The following RTKN variants were observed in gnomAD, a reference collection of about 807,000 sequenced individuals.
RTKN encodes rhotekin.
In RTKN, 49 loss-of-function variants were observed where a neutral mutation model predicts 63.5. That is an observed-to-expected ratio of 0.77 (90% confidence interval 0.61 to 0.98). The LOEUF (loss-of-function observed/expected upper bound fraction) is 0.98. Among genes scored for constraint, RTKN ranks in the 50% least tolerant of loss-of-function variants. RTKN has a pLI of 0.00. For synonymous variants in RTKN, 295 were observed against 290.4 expected, an observed-to-expected ratio of 1.02 and a Z score of -0.16; for missense variants, 685 against 740.8, an observed-to-expected ratio of 0.92 and a Z score of 0.87.
At chr2:74,439,627 G>A in intron 1 of RTKN, 1 of 1,613,922 alleles carries the variant, frequency 6.2e-7, no homozygotes, top group Non-Finnish European at 8.5e-7. Context: ...CTGCATCTCT[G>A]TGCCCCCCGG....
At chr2:74,440,509 C>T in intron 1 of RTKN, 4 of 986,914 alleles carry the variant, frequency 4.1e-6, no homozygotes, top group Non-Finnish European at 4.8e-6. Flanking sequence ...GCCTCCACGC[C>T]AGGCCCACGG....
In RTKN at chr2:74,426,273, T is replaced by C. The variant is rs76772255; in HGVS notation, c.1662A>G (p.Gln554=). ...CTGGTGACTGGAGCCAAGTGCGAGG[T>C]TGGCCTTTGCTGCAGAGGCCTCTGG... is the stretch of plus-strand genomic sequence containing the variant. The part of the protein sequence containing the change: ...PRTRGLCSKG[Q]PRTWLQSPV The change falls in exon 12 of 12, where the codon CAA becomes CAG. Residue 554 remains glutamine (Q), a synonymous_variant. Transcript: ENST00000272430. 6.0e-3 allele frequency: 9,623 copies of C among 1,613,988 alleles called. 508 individuals are homozygous for C. The African/African-American group carries it at 0.11, about 19-fold the overall frequency.
At position 74,427,601 on chromosome 2, in the gene RTKN, G is replaced by C; in HGVS notation, c.1087-9C>G. On this transcript the variant is annotated splice_polypyrimidine_tract_variant and intron_variant, in intron 9 of 11. Coordinates refer to ENST00000272430, the MANE Select transcript of RTKN (RefSeq NM_001015055.2). ...GCCCGGACTCGAGTCTCCTGCAGGA[G>C]AAAGAAGAGGTCTACCTTGGTCACA... 6.2e-7 allele frequency: 1 copy of C among 1,611,160 alleles called. No homozygotes were observed. Among genetic ancestry groups the C allele is most frequent in the Non-Finnish European group, 8.5e-7 (1 of 1,179,468 alleles).
intron 1 of RTKN, chr2:74,440,164 C>T (rs1475685302): frequency 4.8e-6 from 2 of 412,642 alleles, no homozygotes; most frequent in African/African-American, 2.2e-5. Flanking sequence ...GAGGTTGGAG[C>T]TTCCCGAGAG....
Position 74,429,501 on chromosome 2 carries a change from G to T in RTKN, c.755+327C>A, listed in dbSNP as rs560390551. On this transcript the variant is annotated intron_variant, in intron 6 of 11. Transcript: ENST00000272430. ...CCACTTTGGGAGGCCGAGGCGGGAG[G>T]ATCACTTGAGCCCAGGAGTTCGAGA... Among the ~76,000 whole-genome samples, 14 of 152,280 alleles carry T rather than the reference G, an allele frequency of 9.2e-5. No individual in the cohort carries two copies. In the South Asian group the frequency reaches 2.7e-3, roughly 29 times the overall value.
intron 11 of RTKN, 137 bp from the exon 12 acceptor site, chr2:74,426,711 A>C (rs1670417392): frequency 7.2e-7 from 1 of 1,394,420 alleles, no homozygotes; most frequent in Non-Finnish European, 9.3e-7. Context: ...GTTATCCTGC[A>C]GGAGCAGCCC....
At chr2:74,427,707 T>C in intron 9 of RTKN, 115 bp from the exon 10 acceptor site, 2 of 1,134,508 alleles carry the variant, frequency 1.8e-6, no homozygotes, top group Non-Finnish European at 2.5e-6. Context: ...CTGAGCCCTC[T>C]CATTTGCCTC....
chr2:74,430,406 G>A (rs533225549), intron 4 of RTKN, 37 bp from the exon 5 acceptor site: 4 of 1,612,820 alleles, frequency 2.5e-6, no homozygotes, highest in East Asian at 2.2e-5. Context: ...CACGTCCCAC[G>A]AGAGCCTCCT....
Position 74,428,757 on chromosome 2 carries a change from A to T in RTKN, c.851-20T>A. ...TCTCCTCTGGGGGAGGAGGAAGTGC[A>T]GGGTGAGGTAGGGGAATGAGAAGGG... is the stretch of plus-strand genomic sequence containing the variant. On this transcript the variant is annotated intron_variant, in intron 7 of 11. Transcript: ENST00000272430. The T allele has an allele frequency of 6.2e-7, 1 of 1,610,352 alleles. No homozygotes were observed. The highest frequency in any genetic ancestry group is 8.5e-7 in the Non-Finnish European group (1 of 1,177,184).
At chr2:74,430,756 C>T in intron 2 of RTKN, 79 bp from the exon 3 acceptor site, 1 of 1,388,618 alleles carries the variant, frequency 7.2e-7, no homozygotes, top group Non-Finnish European at 9.8e-7. Flanking sequence ...CTCTAGGATC[C>T]CCCTGATCCC....
At chr2:74,429,013 C>G (rs1670587988) in intron 6 of RTKN, 71 bp from the exon 7 acceptor site, 2 of 1,221,928 alleles carry the variant, frequency 1.6e-6, no homozygotes, top group East Asian at 2.3e-5. Flanking sequence ...AAGGGCTGAG[C>G]AGATCTGCCC....
Position 74,428,219 on chromosome 2 carries a change from G to A in RTKN, c.1086+49C>T, listed in dbSNP as rs1670524969. 4.3e-6 allele frequency: 7 copies of A among 1,613,350 alleles called. No homozygotes were observed. The East Asian group carries it at 1.6e-4, about 36-fold the overall frequency. On this transcript the variant is annotated intron_variant, in intron 9 of 11. Transcript: ENST00000272430. ...CACCCTCCTGGGGCCTGAAGGAGAG[G>A]CTCCTGGGCCTGTGCCCTTGGTGGC...
rs1032425127 is a variant in RTKN, at chr2:74,432,101, T to C, written c.311+366A>G. 3.6e-4 allele frequency: 138 copies of C among 382,148 alleles called. 1 individual carries two copies. Among genetic ancestry groups the C allele is most frequent in the Middle Eastern group, 2.6e-3 (3 of 1,156 alleles). 23.7% of individuals were successfully genotyped at this position (382,148 alleles called of 1,614,324 possible). A position where few individuals can be genotyped will look rare whatever the true frequency, so the allele number is the denominator to read the frequency against. The stretch of plus-strand genomic sequence containing the variant: ...GATATAACAAACTATTGTCAGTATG[T>C]GGTAAATTGGTGATTTTGTGAACCA... On this transcript the variant is annotated intron_variant, in intron 2 of 11. Transcript: ENST00000272430.
At chr2:74,427,133 C>T (rs1163057983) in intron 11 of RTKN, 36 bp downstream of exon 11, 4 of 1,590,382 alleles carry the variant, frequency 2.5e-6, no homozygotes, top group Non-Finnish European at 3.5e-6. Context: ...CCCTACTTCC[C>T]ATTAGCTTCC....
At chr2:74,433,736 G>A (rs1255228341) in intron 1 of RTKN, among the ~76,000 whole-genome samples, 4 of 152,028 alleles carry the variant, frequency 2.6e-5, no homozygotes, top group East Asian at 1.9e-4. Flanking sequence ...CTTGTGATCC[G>A]CCCACCTCGG....
chr2:74,439,896 G>A, intron 1 of RTKN: 3 of 1,278,088 alleles, frequency 2.3e-6, no homozygotes, highest in Non-Finnish European at 2.0e-6. Flanking sequence ...GATAAGTGGG[G>A]TCCCAGGAGG....
At chr2:74,434,860 T>C (rs1233298168) in intron 1 of RTKN, among the ~76,000 whole-genome samples, 1 of 152,160 alleles carries the variant, frequency 6.6e-6, no homozygotes, top group East Asian at 1.9e-4. Context: ...CATATGTACT[T>C]TTGGAAAACT....
chr2:74,436,923 C>T lies in RTKN; in HGVS notation c.112-4257G>A, dbSNP rs916855803. On this transcript the variant is annotated intron_variant, in intron 1 of 11. Coordinates refer to ENST00000272430, the MANE Select transcript of RTKN (RefSeq NM_001015055.2). The surrounding 1 kb of genome is among the most constrained non-coding windows in gnomAD (Gnocchi z 4.3). ...CTCTCCCCAAGCGGGCAGCATTTCCCCTGGGAAAGAGCGCAGAGCTGGGTG... is the reference window on the plus strand; with the variant it reads ...CTCTCCCCAAGCGGGCAGCATTTCCTCTGGGAAAGAGCGCAGAGCTGGGTG... Among the ~76,000 whole-genome samples the T allele has an allele frequency of 6.6e-6, 1 of 152,202 alleles. No individual in the cohort carries two copies. Among genetic ancestry groups the T allele is most frequent in the African/African-American group, 2.4e-5 (1 of 41,450 alleles).
chr2:74,431,561 T>C (rs987307761), intron 2 of RTKN, among the ~76,000 whole-genome samples: 3 of 152,238 alleles, frequency 2.0e-5, no homozygotes, highest in Admixed American at 6.5e-5. Flanking sequence ...GTGAGGACTT[T>C]GGCAGGACAG....
Sources: allele counts gnomAD v4.1 joint callset (sites outside exome capture counted in the v4.1 genomes callset), GRCh38; gene constraint gnomAD v4.1.1; non-coding constraint Gnocchi (gnomAD v3.1); transcripts MANE v1.5; gene names NCBI Gene and HGNC (gene_info 2026-07-23, HGNC 2026-07-21).